The following MAPK14 variants were observed in gnomAD, a reference collection of about 807,000 sequenced individuals.
MAPK14 encodes CSAID-binding protein.
A neutral mutation model predicts 49.6 loss-of-function variants in MAPK14; 16 were observed. That is an observed-to-expected ratio of 0.32 (90% CI 0.22 to 0.49). The LOEUF is 0.49. Among genes scored for constraint, MAPK14 ranks in the 20% least tolerant of loss-of-function variants. The probability of loss-of-function intolerance (pLI) is 0.99; values close to 1 mark genes in which losing one functional copy is unlikely to be tolerated. For synonymous variants in MAPK14, 142 were observed against 158.0 expected (o/e 0.90, Z 0.76); for missense variants, 200 against 441.2 (o/e 0.45, Z 4.90).
chr6:36,083,760 G>A (rs1764861647), intron 8 of MAPK14, among the ~76,000 whole-genome samples: 1 of 152,220 alleles, frequency 6.6e-6, no homozygotes, highest in African/African-American at 2.4e-5. Flanking sequence ...GATCAGCAGA[G>A]TTAGTCTTTC....
In MAPK14 at chr6:36,052,732, G is replaced by T. The variant is rs1243366061; in HGVS notation, c.150G>T (p.Val50=). The stretch of plus-strand genomic sequence containing the variant: ...TTGACACAAAAACGGGGTTACGTGT[G>T]GCAGTGAAGAAGCTCTCCAGACCAT... ...AAFDTKTGLR[V]AVKKLSRPFQ... is the part of the protein sequence containing the mutation. Residue 50 remains valine (V), a synonymous_variant, in exon 2 of 12, where the codon GTG becomes GTT. Transcript: ENST00000229794. The T allele has an allele frequency of 1.2e-6, 2 of 1,611,508 alleles. No individual in the cohort carries two copies. Among genetic ancestry groups the T allele is most frequent in the Non-Finnish European group, 8.5e-7 (1 of 1,178,858 alleles).
intron 8 of MAPK14, among the ~76,000 whole-genome samples, chr6:36,091,141 C>T (rs1003755116): frequency 6.6e-6 from 1 of 152,204 alleles, no homozygotes; most frequent in Non-Finnish European, 1.5e-5. Flanking sequence ...TTATCTTCAA[C>T]TTTCTGGCCT....
downstream of MAPK14, among the ~76,000 whole-genome samples, chr6:36,114,076 A>G (rs1766019585): frequency 1.3e-5 from 2 of 152,358 alleles, no homozygotes; most frequent in South Asian, 4.1e-4. Context: ...TGTCCTGTGC[A>G]GTGTAGGGTG....
In MAPK14 at chr6:36,107,555, T is replaced by A; in HGVS notation, c.942T>A (p.Pro314=). The change falls in exon 11 of 12, where the codon CCT becomes CCA. Residue 314 remains proline (P), a synonymous_variant. Transcript: ENST00000229794. The surrounding 1 kb of genome is among the most constrained non-coding windows in gnomAD (Gnocchi z 4.3). ...AHAYFAQYHD[P]DDEPVADPYD... Reference sequence around the variant, plus strand: ...CCTACTTTGCTCAGTACCACGATCCTGATGATGAACCAGTGGCCGATCCTT... The same window carrying A: ...CCTACTTTGCTCAGTACCACGATCCAGATGATGAACCAGTGGCCGATCCTT... 6.2e-7 allele frequency: 1 copy of A among 1,606,746 alleles called. No individual in the cohort carries two copies. The highest frequency in any genetic ancestry group is 8.5e-7 in the Non-Finnish European group (1 of 1,176,564).
intron 9 of MAPK14, 47 bp from the exon 10 acceptor site, chr6:36,102,524 A>G: frequency 7.3e-7 from 1 of 1,366,252 alleles, no homozygotes; most frequent in Non-Finnish European, 1.0e-6. Context: ...CTTTGAGAGC[A>G]GTAACATTAT....
At chr6:36,101,489 A>AT (rs556407958) in intron 9 of MAPK14, among the ~76,000 whole-genome samples, 20,362 of 146,160 alleles carry the variant, frequency 0.14, 1,658 homozygotes, top group African/African-American at 0.24. Context: ...AAGCAACCAG[A>AT]TTTTTTTTTT....
At chr6:36,045,827 A>AAAAAAAG (rs1562105205) in intron 1 of MAPK14, among the ~76,000 whole-genome samples, 1 of 150,930 alleles carries the variant, frequency 6.6e-6, no homozygotes, top group Non-Finnish European at 1.5e-5. Flanking sequence ...AAAAAAAAAA[A>AAAAAAAG]AAAAAAGAAA....
intron 1 of MAPK14, among the ~76,000 whole-genome samples, chr6:36,034,813 T>C (rs74904577): frequency 0.014 from 2,090 of 152,232 alleles, 24 homozygotes; most frequent in Non-Finnish European, 0.023. Context: ...TAAGCGAGTC[T>C]TTTGGCACCA....
In MAPK14 at chr6:36,107,269, TACAC is replaced by T. The variant is rs67149910; in HGVS notation, c.842-166_842-163del. On this transcript the variant is annotated intron_variant, in intron 10 of 11. Coordinates refer to ENST00000229794, the MANE Select transcript of MAPK14 (RefSeq NM_139012.3). The surrounding 1 kb of genome is among the most constrained non-coding windows in gnomAD (Gnocchi z 4.3). ...AATTTTAAAACATAGAAAATACAGA[TACAC>T]ACACACACACACACACACATACACA... Among the ~76,000 whole-genome samples, 18,118 of 150,288 alleles carry T rather than the reference TACAC, an allele frequency of 0.12. 1,174 individuals are homozygous for T. Among genetic ancestry groups the T allele is most frequent in the African/African-American group, 0.18 (7,324 of 41,026 alleles).
chr6:36,052,327 T>G (rs1763432398), intron 1 of MAPK14, among the ~76,000 whole-genome samples: 1 of 152,198 alleles, frequency 6.6e-6, no homozygotes, highest in Admixed American at 6.6e-5. Context: ...TTTTTGTAAA[T>G]TTTATTAGAA....
chr6:36,123,253 G>A, the MAPK14 span, among the ~76,000 whole-genome samples: 5 of 152,136 alleles, frequency 3.3e-5, no homozygotes, highest in African/African-American at 4.8e-5. Context: ...GTGCAAATTC[G>A]TGGCAAGAGA....
intron 8 of MAPK14, among the ~76,000 whole-genome samples, chr6:36,091,767 G>A (rs1765239383): frequency 6.6e-6 from 1 of 151,308 alleles, no homozygotes; most frequent in African/African-American, 2.4e-5. Context: ...CATGGAGTAT[G>A]GTCATTCTGT....
At chr6:36,030,099 T>C (rs1762481241) in intron 1 of MAPK14, among the ~76,000 whole-genome samples, 1 of 152,174 alleles carries the variant, frequency 6.6e-6, no homozygotes, top group Non-Finnish European at 1.5e-5. Flanking sequence ...TCGTTTTCAA[T>C]GCTATTTAAA....
At chr6:36,071,861 TG>T (rs1454564000) in intron 3 of MAPK14, among the ~76,000 whole-genome samples, 2 of 152,174 alleles carry the variant, frequency 1.3e-5, no homozygotes, top group African/African-American at 4.8e-5. Flanking sequence ...TTGCTGTTTT[TG>T]TTTTCTTTTC....
the MAPK14 span, among the ~76,000 whole-genome samples, chr6:36,122,323 A>G: frequency 6.6e-6 from 1 of 152,232 alleles, no homozygotes. Flanking sequence ...TGCACACAGG[A>G]GTCCAGGCAG....
chr6:36,074,753 C>T (rs1764451556), intron 6 of MAPK14, among the ~76,000 whole-genome samples: 1 of 151,678 alleles, frequency 6.6e-6, no homozygotes, highest in Non-Finnish European at 1.5e-5. Context: ...GTAGCTGGGA[C>T]TACAGGTGCA....
At chr6:36,042,268 A>C (rs1762990388) in intron 1 of MAPK14, among the ~76,000 whole-genome samples, 1 of 152,012 alleles carries the variant, frequency 6.6e-6, no homozygotes, top group Non-Finnish European at 1.5e-5. Context: ...GAGCTGTTGG[A>C]GTTTCTTGAG....
chr6:36,123,624 G>A, the MAPK14 span, among the ~76,000 whole-genome samples: 1 of 152,230 alleles, frequency 6.6e-6, no homozygotes, highest in Non-Finnish European at 1.5e-5. Flanking sequence ...GCTACAATGG[G>A]CCAGGCACAG....
At chr6:36,053,053 A>G (rs933033661) in intron 2 of MAPK14, among the ~76,000 whole-genome samples, 1 of 152,020 alleles carries the variant, frequency 6.6e-6, no homozygotes, top group African/African-American at 2.4e-5. Flanking sequence ...TAGAGGAGAA[A>G]GAACTCTTTA....
Sources: gnomAD v4.1 joint callset for allele counts (sites outside exome capture counted in the v4.1 genomes callset) on GRCh38, gnomAD v4.1.1 for gene constraint, Gnocchi (gnomAD v3.1) non-coding constraint, MANE v1.5 for transcripts, NCBI Gene and HGNC (gene_info 2026-07-23, HGNC 2026-07-21) for gene names.